The following PLPPR1 variants were observed in gnomAD, a reference collection of about 807,000 sequenced individuals.
PLPPR1 encodes phospholipid phosphatase related 1.
A neutral mutation model predicts 33.1 loss-of-function variants in PLPPR1; 10 were observed. That is an observed-to-expected ratio of 0.30 (90% CI 0.19 to 0.51). The LOEUF is 0.51. Among genes scored for constraint, PLPPR1 ranks in the 20% least tolerant of loss-of-function variants. PLPPR1 has a pLI of 0.97. For synonymous variants in PLPPR1, 151 were observed against 151.0 expected, an observed-to-expected ratio of 1.00 and a Z score of 0.00; for missense variants, 304 against 408.1, an observed-to-expected ratio of 0.74 and a Z score of 2.20.
At chr9:101,134,320 T>C (rs1426242941) in intron 1 of PLPPR1, among the ~76,000 whole-genome samples, 1 of 152,132 alleles carries the variant, frequency 6.6e-6, no homozygotes, top group Non-Finnish European at 1.5e-5. Context: ...AGAAAATAAT[T>C]TGAGGAGAGC....
chr9:101,034,513 T>C (rs1829986277), intron 1 of PLPPR1, among the ~76,000 whole-genome samples: 1 of 152,178 alleles, frequency 6.6e-6, no homozygotes, highest in Admixed American at 6.5e-5. Flanking sequence ...CCTGAATTAA[T>C]TCTGAATTGA....
intron 2 of PLPPR1, among the ~76,000 whole-genome samples, chr9:101,237,277 C>T (rs191189083): frequency 1.6e-3 from 246 of 151,764 alleles, no homozygotes; most frequent in African/African-American, 5.9e-3. Flanking sequence ...CCCAATAGAA[C>T]TGAAAATAGA....
chr9:101,035,774 A>G (rs10989357), intron 1 of PLPPR1, among the ~76,000 whole-genome samples: 4,170 of 152,300 alleles, frequency 0.027, 101 homozygotes, highest in East Asian at 0.082. Flanking sequence ...TTCATATTAT[A>G]GAAAATCATA....
chr9:101,031,567 G>C (rs992618814), intron 1 of PLPPR1, among the ~76,000 whole-genome samples: 3 of 152,148 alleles, frequency 2.0e-5, no homozygotes, highest in African/African-American at 7.2e-5. Context: ...CATGCTGGAG[G>C]CTGGGGAAAA....
chr9:101,162,244 AG>A (rs1251893794), intron 1 of PLPPR1, among the ~76,000 whole-genome samples: 2 of 152,180 alleles, frequency 1.3e-5, no homozygotes, highest in Non-Finnish European at 2.9e-5. Context: ...TCAGCCAGCC[AG>A]GTATGTCTGC....
At chr9:101,126,932 T>C (rs975820860) in intron 1 of PLPPR1, among the ~76,000 whole-genome samples, 16 of 152,162 alleles carry the variant, frequency 1.1e-4, no homozygotes, top group Admixed American at 1.0e-3. Context: ...ATCATCTTTA[T>C]ACGCTTTTTT....
intron 4 of PLPPR1, among the ~76,000 whole-genome samples, chr9:101,291,510 C>A (rs1331944663): frequency 1.3e-5 from 2 of 152,196 alleles, no homozygotes; most frequent in Non-Finnish European, 1.5e-5. Context: ...TGACCCCTGA[C>A]CCCCGAGCAG....
intron 2 of PLPPR1, among the ~76,000 whole-genome samples, chr9:101,228,741 G>T (rs1827123440): frequency 6.6e-6 from 1 of 152,126 alleles, no homozygotes. Context: ...AGACAGGAAA[G>T]GGGGAGTCAT....
intron 1 of PLPPR1, among the ~76,000 whole-genome samples, chr9:101,086,295 A>C (rs1464860872): frequency 3.9e-5 from 6 of 152,128 alleles, no homozygotes; most frequent in African/African-American, 1.4e-4. Context: ...AGGTGGGAGG[A>C]AGCAAGATTA....
At chr9:101,077,932 T>C (rs2118502482) in intron 1 of PLPPR1, among the ~76,000 whole-genome samples, 1 of 151,424 alleles carries the variant, frequency 6.6e-6, no homozygotes, top group East Asian at 2.0e-4. Flanking sequence ...TTCACTTTTA[T>C]ATGTGAGGGG....
At chr9:101,029,335 C>T (rs1457166676) in intron 1 of PLPPR1, among the ~76,000 whole-genome samples, 2 of 152,226 alleles carry the variant, frequency 1.3e-5, no homozygotes, top group East Asian at 1.9e-4. Flanking sequence ...TACCACCTCC[C>T]TGCTCATAAA....
At chr9:101,283,766 A>G (rs1828342668) in intron 3 of PLPPR1, among the ~76,000 whole-genome samples, 1 of 152,194 alleles carries the variant, frequency 6.6e-6, no homozygotes, top group Non-Finnish European at 1.5e-5. Flanking sequence ...AATAAAGATT[A>G]TTAAAATATA....
At chr9:101,187,616 T>A (rs192021032) in intron 2 of PLPPR1, 3 of 152,048 alleles carry the variant, frequency 2.0e-5, no homozygotes, top group Non-Finnish European at 2.9e-5. Flanking sequence ...CTCATGATTC[T>A]CATGTATTTC....
chr9:101,242,261 A>G (rs1412963012), intron 2 of PLPPR1, among the ~76,000 whole-genome samples: 1 of 149,060 alleles, frequency 6.7e-6, no homozygotes, highest in Non-Finnish European at 1.5e-5. Context: ...TTTTTCTCTG[A>G]TATAGTCTCG....
At chr9:101,156,615 C>G (rs1185341032) in intron 1 of PLPPR1, among the ~76,000 whole-genome samples, 1 of 135,564 alleles carries the variant, frequency 7.4e-6, no homozygotes, top group East Asian at 2.1e-4. Flanking sequence ...CAGAAGCAAA[C>G]TAATAGAATT....
At chr9:101,203,966 CTGAT>C (rs1826543583) in intron 2 of PLPPR1, among the ~76,000 whole-genome samples, 1 of 151,926 alleles carries the variant, frequency 6.6e-6, no homozygotes, top group South Asian at 2.1e-4. Flanking sequence ...TATTACTGGC[CTGAT>C]TAAGTGGTCT....
At chr9:101,136,124 ACCT>A (rs1210391549) in intron 1 of PLPPR1, among the ~76,000 whole-genome samples, 1 of 151,786 alleles carries the variant, frequency 6.6e-6, no homozygotes, top group African/African-American at 2.4e-5. Context: ...TTCTTACCTC[ACCT>A]CCTCCTCCTC....
chr9:101,043,437 GT>G (rs1411610541), intron 1 of PLPPR1, among the ~76,000 whole-genome samples: 1 of 150,172 alleles, frequency 6.7e-6, no homozygotes, highest in Non-Finnish European at 1.5e-5. Flanking sequence ...ATGTATATAT[GT>G]ATATGCATAC....
intron 1 of PLPPR1, among the ~76,000 whole-genome samples, chr9:101,032,212 T>C (rs768753427): frequency 1.3e-5 from 2 of 151,516 alleles, no homozygotes; most frequent in Non-Finnish European, 2.9e-5. Flanking sequence ...GCATAAGAAC[T>C]TCAATTTTAT....
Sources: allele counts gnomAD v4.1 joint callset (sites outside exome capture counted in the v4.1 genomes callset), GRCh38; gene constraint gnomAD v4.1.1; transcripts MANE v1.5; gene names NCBI Gene and HGNC (gene_info 2026-07-23, HGNC 2026-07-21).